PPIL4: variants seen among roughly 807,000 people sequenced by gnomAD.
PPIL4 encodes peptidylprolyl isomerase like 4.
PPIL4 carries 50 observed loss-of-function variants against 69.1 expected under a neutral mutation model. The observed-to-expected ratio is 0.72, with a 90% CI of 0.58 to 0.92. The LOEUF (loss-of-function observed/expected upper bound fraction) is 0.92. Among genes scored for constraint, PPIL4 ranks in the 40% least tolerant of loss-of-function variants. The pLI is 0.00. For missense variants in PPIL4, 480 were observed against 587.9 expected (o/e 0.82, Z 1.90); for synonymous variants, 193 against 191.6 (o/e 1.01, Z -0.06).
At chr6:149,529,453 A>T (rs1047194194) in intron 7 of PPIL4, among the ~76,000 whole-genome samples, 12 of 150,714 alleles carry the variant, frequency 8.0e-5, no homozygotes, top group Admixed American at 3.3e-4. Flanking sequence ...TGTCTCAAAT[A>T]AAAAAAAATT....
At position 149,512,306 on chromosome 6, in the gene PPIL4, C is replaced by A; in HGVS notation, c.1080-4G>T. The A allele has an allele frequency of 6.2e-7, 1 of 1,605,456 alleles. No individual in the cohort carries two copies. The highest frequency in any genetic ancestry group is 8.5e-7 in the Non-Finnish European group (1 of 1,174,212). ...TAATATAAGATCGTATTTTGTACTG[C>A]AGTAGTTAGTTAAGGATAAATGTGA... On this transcript the variant is annotated splice_polypyrimidine_tract_variant and splice_region_variant and intron_variant, in intron 11 of 12. Transcript: ENST00000253329.
At chr6:149,510,132 C>G (rs1039914695) in intron 12 of PPIL4, among the ~76,000 whole-genome samples, 11 of 152,012 alleles carry the variant, frequency 7.2e-5, no homozygotes, top group Non-Finnish European at 1.3e-4. Flanking sequence ...GGCCTGAAAA[C>G]GGGATGAGGC....
At chr6:149,520,360 G>C (rs2115031492) in intron 10 of PPIL4, among the ~76,000 whole-genome samples, 1 of 151,982 alleles carries the variant, frequency 6.6e-6, no homozygotes, top group East Asian at 1.9e-4. Context: ...CCTTTCCATG[G>C]ACCTTTTCTA....
In PPIL4 at chr6:149,526,655, C is replaced by T; in HGVS notation, c.800G>A (p.Arg267Lys). 1 of 1,607,992 alleles carries T rather than the reference C, an allele frequency of 6.2e-7. No individual in the cohort carries two copies. Among genetic ancestry groups the T allele is most frequent in the Non-Finnish European group, 8.5e-7 (1 of 1,176,710 alleles). Reference protein sequence around the residue: ...EIIFSRFGPIRSCEVIRDWKT... With the variant: ...EIIFSRFGPIKSCEVIRDWKT... The stretch of plus-strand genomic sequence containing the variant: ...TTTCACTAATTCTAAGGATTACCTT[C>T]TTATTGGCCCAAATCTAGAGAATAT... The change falls in exon 8 of 13, where the codon AGA becomes AAA. Residue 267 changes from arginine (R) to lysine (K), a missense_variant. By Grantham distance (26) the Arg-to-Lys change is conservative (BLOSUM62 2). Coordinates refer to ENST00000253329, the MANE Select transcript of PPIL4 (RefSeq NM_139126.4).
chr6:149,510,751 GAAAGA>G (rs763544399), intron 12 of PPIL4, among the ~76,000 whole-genome samples: 1 of 151,700 alleles, frequency 6.6e-6, no homozygotes, highest in Non-Finnish European at 1.5e-5. Context: ...TCAAAAAAAA[GAAAGA>G]AAAGAAACAC....
At chr6:149,510,637 G>T (rs1421453706) in intron 12 of PPIL4, among the ~76,000 whole-genome samples, 2 of 152,060 alleles carry the variant, frequency 1.3e-5, no homozygotes, top group Admixed American at 1.3e-4. Context: ...ACCTACTCGG[G>T]AGGCTGAGGC....
In PPIL4 at chr6:149,540,977, T is replaced by A. The variant is rs915422281; in HGVS notation, c.286A>T (p.Met96Leu). ...IKHKKKGTVS[M>L]VNNGSDQHGS... ...TGTTGATCACTGCCATTATTCACCA[T>A]GGACACTGTGCCTTTCTTCTTGTGC... Residue 96 changes from methionine to leucine, a missense_variant, in exon 4 of 13, where the codon ATG becomes TTG. Transcript: ENST00000253329. The A allele has an allele frequency of 6.2e-7, 1 of 1,612,080 alleles. No homozygotes were observed. The highest frequency in any genetic ancestry group is 1.3e-5 in the African/African-American group (1 of 75,016).
In PPIL4 at chr6:149,512,107, G is replaced by A. The variant is rs9386252; in HGVS notation, c.1227+48C>T. Reference sequence around the variant, plus strand: ...TATCACTAAGACATCATTTACAGAGGGATAAAATATTTATTTCTCCACATC... The same window carrying A: ...TATCACTAAGACATCATTTACAGAGAGATAAAATATTTATTTCTCCACATC... On this transcript the variant is annotated intron_variant, in intron 12 of 12. Coordinates refer to ENST00000253329, the MANE Select transcript of PPIL4 (RefSeq NM_139126.4). 6,879 of 1,436,812 alleles carry A rather than the reference G, an allele frequency of 4.8e-3. 20 individuals are homozygous for A. Among genetic ancestry groups the A allele is most frequent in the Non-Finnish European group, 5.6e-3 (5,927 of 1,050,836 alleles). The allele number at this position is 1,436,812 out of a possible 1,614,324, so 89.0% of individuals were successfully genotyped here.
intron 1 of PPIL4, 137 bp downstream of exon 1, chr6:149,545,799 A>C (rs946499545): frequency 2.6e-6 from 2 of 773,924 alleles, no homozygotes; most frequent in African/African-American, 3.5e-5. Context: ...CCGGTTAATA[A>C]AATAGCCCAG....
In PPIL4 at chr6:149,517,469, A is replaced by G. The variant is rs762113728; in HGVS notation, c.983-19T>C. 1.4e-5 allele frequency: 18 copies of G among 1,330,434 alleles called. No homozygotes were observed. Among genetic ancestry groups the G allele is most frequent in the Non-Finnish European group, 1.9e-5 (18 of 964,138 alleles). The allele number at this position is 1,330,434 out of a possible 1,614,324, so 82.4% of individuals were successfully genotyped here. Reference sequence around the variant, plus strand: ...TTCCCACCTATTTATTAAGAAAAGAAAAAAAGAGCTTAGTAAAAAAACCAC... The same window carrying G: ...TTCCCACCTATTTATTAAGAAAAGAGAAAAAGAGCTTAGTAAAAAAACCAC... On this transcript the variant is annotated intron_variant, in intron 10 of 12. Coordinates refer to ENST00000253329, the MANE Select transcript of PPIL4 (RefSeq NM_139126.4).
Position 149,525,162 on chromosome 6 carries a change from G to C in PPIL4, c.851C>G (p.Ala284Gly), listed in dbSNP as rs199531752. The C allele has an allele frequency of 1.3e-6, 2 of 1,554,546 alleles. No individual in the cohort carries two copies. Among genetic ancestry groups the C allele is most frequent in the Non-Finnish European group, 1.8e-6 (2 of 1,137,272 alleles). The change falls in exon 9 of 13, where the codon GCT becomes GGT. Residue 284 changes from alanine to glycine, a missense_variant. Physicochemically the swap from Ala to Gly is moderately conservative, Grantham distance 60 (BLOSUM62 0). Coordinates refer to ENST00000253329, the MANE Select transcript of PPIL4 (RefSeq NM_139126.4). ...DWKTGESLCY[A>G]FIEFEKEEDC... ...ACATACCTTTTCAAATTCAATAAAA[G>C]CGTAACAGAGGGACTCTCCTGTCTT...
Position 149,541,442 on chromosome 6 carries a change from T to C in PPIL4, c.139-11A>G, listed in dbSNP as rs183581968. On this transcript the variant is annotated splice_polypyrimidine_tract_variant and intron_variant, in intron 2 of 12. Transcript: ENST00000253329. ...TATGATAAAATCCCTCTGTAATATG[T>C]AGGATTCTTTGTTAATTCACAGAGT... 1,929 of 1,578,348 alleles carry C rather than the reference T, an allele frequency of 1.2e-3. 17 individuals are homozygous for C. In the African/African-American group the frequency reaches 0.022, roughly 18 times the overall value.
intron 7 of PPIL4, among the ~76,000 whole-genome samples, chr6:149,531,558 C>T (rs1418664047): frequency 6.6e-6 from 1 of 150,676 alleles, no homozygotes; most frequent in African/African-American, 2.4e-5. Flanking sequence ...AAATATTCTA[C>T]AAAATAAATG....
At chr6:149,535,921 T>C (rs968466043) in intron 4 of PPIL4, among the ~76,000 whole-genome samples, 183 bp from the exon 5 acceptor site, 4 of 152,244 alleles carry the variant, frequency 2.6e-5, no homozygotes, top group African/African-American at 9.6e-5. Context: ...CCTCATTTTA[T>C]TGCACTTTGC....
chr6:149,544,028 A>G (rs1449600988), intron 1 of PPIL4, among the ~76,000 whole-genome samples: 4 of 152,238 alleles, frequency 2.6e-5, no homozygotes, highest in African/African-American at 9.6e-5. Flanking sequence ...TCATATGCTT[A>G]CAAATATGTA....
At chr6:149,510,690 C>T (rs911548610) in intron 12 of PPIL4, among the ~76,000 whole-genome samples, 2 of 151,798 alleles carry the variant, frequency 1.3e-5, no homozygotes, top group Non-Finnish European at 2.9e-5. Context: ...TGCAGTGAGC[C>T]GAGATTGCAC....
intron 9 of PPIL4, among the ~76,000 whole-genome samples, chr6:149,522,830 C>G (rs991574529): frequency 1.3e-5 from 2 of 152,136 alleles, no homozygotes; most frequent in Non-Finnish European, 2.9e-5. Context: ...CCAGGATGGT[C>G]TCGATCTCTT....
At chr6:149,534,881 A>G in intron 5 of PPIL4, 107 bp from the exon 6 acceptor site, 2 of 623,400 alleles carry the variant, frequency 3.2e-6, no homozygotes, top group East Asian at 5.8e-5. Context: ...AAGGCCAAAA[A>G]AAACCCATAT....
chr6:149,522,039 T>C (rs1241392808), intron 9 of PPIL4, among the ~76,000 whole-genome samples: 2 of 152,248 alleles, frequency 1.3e-5, no homozygotes, highest in African/African-American at 2.4e-5. Flanking sequence ...AATAATTAAA[T>C]GAATTATAAA....
Sources: gnomAD v4.1 joint callset for allele counts (sites outside exome capture counted in the v4.1 genomes callset) on GRCh38, gnomAD v4.1.1 for gene constraint, MANE v1.5 for transcripts, NCBI Gene and HGNC (gene_info 2026-07-23, HGNC 2026-07-21) for gene names.